Variants in EPHA6 observed in about 807,000 individuals in gnomAD.
The protein encoded by EPHA6 is ephrin type-A receptor 6.
EPHA6 carries 50 observed loss-of-function variants against 112.0 expected under a neutral mutation model. That is an observed-to-expected ratio of 0.45 (90% CI 0.36 to 0.56). The LOEUF (loss-of-function observed/expected upper bound fraction) is 0.56. Ranked by LOEUF, EPHA6 falls within the 20% of genes least tolerant of loss-of-function variation. The pLI, the probability that EPHA6 is intolerant of heterozygous loss-of-function variation, is 0.00. For synonymous variants in EPHA6, 529 were observed against 490.7 expected (o/e 1.08, Z -1.03); for missense variants, 1,280 against 1,417.4 (o/e 0.90, Z 1.56).
In EPHA6 at chr3:96,829,598, A is replaced by T. The variant is rs186788341; in HGVS notation, c.385+14590A>T. On this transcript the variant is annotated intron_variant, in intron 1 of 17. Transcript: ENST00000389672. ...TGGGAATTACTGATTATTTTAAAAC[A>T]TTTTGGTATTCAACAATTAGTGCTT... 3.3e-5 allele frequency among the ~76,000 whole-genome samples: 5 copies of T among 152,218 alleles called. No homozygotes were observed. In the East Asian group the frequency reaches 9.7e-4, roughly 29 times the overall value.
chr3:97,319,008 T>C (rs1051116221), intron 5 of EPHA6, among the ~76,000 whole-genome samples: 1 of 151,936 alleles, frequency 6.6e-6, no homozygotes, highest in Non-Finnish European at 1.5e-5. Flanking sequence ...GTTGTATGAT[T>C]TCAAACTTGA....
chr3:97,586,607 A>G (rs1159565328), intron 11 of EPHA6, among the ~76,000 whole-genome samples: 1 of 152,176 alleles, frequency 6.6e-6, no homozygotes, highest in Non-Finnish European at 1.5e-5. Flanking sequence ...GGAGGGAAAT[A>G]CACAGTCTGA....
intron 5 of EPHA6, among the ~76,000 whole-genome samples, chr3:97,271,800 C>T (rs1173364436): frequency 6.6e-6 from 1 of 152,002 alleles, no homozygotes; most frequent in Admixed American, 6.6e-5. Context: ...ATGGCCACTT[C>T]CTTTTTATTT....
At chr3:97,002,158 T>A (rs992681503) in intron 3 of EPHA6, among the ~76,000 whole-genome samples, 1 of 151,876 alleles carries the variant, frequency 6.6e-6, no homozygotes, top group African/African-American at 2.4e-5. Flanking sequence ...ATTAAATATT[T>A]TTAATAAAAT....
intron 5 of EPHA6, among the ~76,000 whole-genome samples, chr3:97,353,188 G>A (rs75168892): frequency 0.016 from 2,375 of 151,970 alleles, 58 homozygotes; most frequent in African/African-American, 0.052. Context: ...CCAGGGCCAT[G>A]CTGGCTTCAG....
chr3:97,598,378 T>C (rs1274008644), intron 12 of EPHA6, among the ~76,000 whole-genome samples: 2 of 149,230 alleles, frequency 1.3e-5, no homozygotes, highest in Non-Finnish European at 1.5e-5. Context: ...ACTCGTCATC[T>C]AGCATTAGGT....
At chr3:97,568,459 T>C (rs1033638313) in intron 11 of EPHA6, among the ~76,000 whole-genome samples, 6 of 152,188 alleles carry the variant, frequency 3.9e-5, no homozygotes, top group African/African-American at 1.2e-4. Flanking sequence ...AAGGCCCCCA[T>C]TGATCTGGCA....
intron 3 of EPHA6, among the ~76,000 whole-genome samples, chr3:97,171,833 G>C (rs778174232): frequency 6.6e-6 from 1 of 151,888 alleles, no homozygotes; most frequent in Non-Finnish European, 1.5e-5. Context: ...AGCCAATCCG[G>C]AGTAGAATGA....
chr3:97,707,858 C>A (rs1046499853), intron 14 of EPHA6, among the ~76,000 whole-genome samples: 2 of 152,144 alleles, frequency 1.3e-5, no homozygotes, highest in African/African-American at 2.4e-5. Context: ...CTCTCTCCTG[C>A]CACCATGTAA....
rs199675404 is a variant in EPHA6, at chr3:97,645,665, T to TA, written c.2784+7593dup. Among the ~76,000 whole-genome samples, 296 of 146,504 alleles carry TA rather than the reference T, an allele frequency of 2.0e-3. 2 individuals carry two copies. Among genetic ancestry groups the TA allele is most frequent in the South Asian group, 7.4e-3 (34 of 4,620 alleles). On this transcript the variant is annotated intron_variant, in intron 14 of 17. Transcript: ENST00000389672. Reference sequence around the variant, plus strand: ...ATGTACCCTAAAACTTAAAGTATAATAAAAAAAAAAGAAAAGGATTCTTTG... The same window carrying TA: ...ATGTACCCTAAAACTTAAAGTATAATAAAAAAAAAAAGAAAAGGATTCTTTG...
chr3:97,233,338 A>G (rs2078587465), intron 4 of EPHA6, among the ~76,000 whole-genome samples: 1 of 151,916 alleles, frequency 6.6e-6, no homozygotes. Flanking sequence ...AGTACCATAA[A>G]CTTCAAAACA....
chr3:97,272,984 G>A (rs577720447), intron 5 of EPHA6, among the ~76,000 whole-genome samples: 1 of 152,086 alleles, frequency 6.6e-6, no homozygotes, highest in Non-Finnish European at 1.5e-5. Flanking sequence ...TGCTTCGAGC[G>A]GGATTAGGGG....
chr3:97,654,618 C>T (rs2094127024), intron 14 of EPHA6, among the ~76,000 whole-genome samples: 1 of 151,480 alleles, frequency 6.6e-6, no homozygotes, highest in Non-Finnish European at 1.5e-5. Flanking sequence ...TGTAAAGGTA[C>T]CAGCCAGGAA....
chr3:97,027,638 T>G (rs2044687940), intron 3 of EPHA6, among the ~76,000 whole-genome samples: 1 of 152,180 alleles, frequency 6.6e-6, no homozygotes, highest in Non-Finnish European at 1.5e-5. Context: ...GTTAATGAAG[T>G]ATCTGAAAAT....
At chr3:97,440,106 G>A (rs1217644620) in intron 6 of EPHA6, among the ~76,000 whole-genome samples, 1 of 152,068 alleles carries the variant, frequency 6.6e-6, no homozygotes, top group Non-Finnish European at 1.5e-5. Flanking sequence ...ACATACGGAT[G>A]CACATTCAAT....
At chr3:97,242,780 G>A (rs2078884733) in intron 4 of EPHA6, among the ~76,000 whole-genome samples, 1 of 151,598 alleles carries the variant, frequency 6.6e-6, no homozygotes, top group Admixed American at 6.6e-5. Flanking sequence ...AGAGTTTCTT[G>A]GTAACAGAAA....
Position 97,367,463 on chromosome 3 carries a change from C to T in EPHA6, c.1607-37687C>T, listed in dbSNP as rs568487074. Among the ~76,000 whole-genome samples the T allele has an allele frequency of 3.2e-4, 48 of 152,164 alleles. 1 individual carries two copies. Among genetic ancestry groups the T allele is most frequent in the Non-Finnish European group, 5.6e-4 (38 of 68,008 alleles). ...CTGGGTGGCCGGTGACGGCTTCTTT[C>T]GAGGCAGCTTCTCTCTCTCACTCTT... On this transcript the variant is annotated intron_variant, in intron 5 of 17. Transcript: ENST00000389672.
At chr3:96,916,344 ATCT>A (rs2039481520) in intron 2 of EPHA6, among the ~76,000 whole-genome samples, 1 of 152,138 alleles carries the variant, frequency 6.6e-6, no homozygotes, top group African/African-American at 2.4e-5. Flanking sequence ...TCTCGTAATT[ATCT>A]TCTTTGGGGA....
chr3:97,211,425 T>C (rs560760920), intron 3 of EPHA6, among the ~76,000 whole-genome samples: 3 of 152,292 alleles, frequency 2.0e-5, no homozygotes, highest in South Asian at 2.1e-4. Context: ...CAAAATATCA[T>C]AGACTGTGTG....
Sources: gnomAD v4.1 joint callset for allele counts (sites outside exome capture counted in the v4.1 genomes callset) on GRCh38, gnomAD v4.1.1 for gene constraint, MANE v1.5 for transcripts, NCBI Gene and HGNC (gene_info 2026-07-23, HGNC 2026-07-21) for gene names.